CLCN7: variants seen among roughly 807,000 people sequenced by gnomAD.
CLCN7 encodes the protein H(+)/Cl(-) exchange transporter 7.
A neutral mutation model predicts 102.1 loss-of-function variants in CLCN7; 60 were observed. The observed-to-expected ratio is 0.59, with a 90% CI of 0.48 to 0.73. The LOEUF is 0.73. CLCN7 is among the 30% of genes least tolerant of loss of function. The probability of loss-of-function intolerance (pLI) is 0.00; values close to 1 mark genes in which losing one functional copy is unlikely to be tolerated. For synonymous variants in CLCN7, 560 were observed against 490.5 expected (o/e 1.14, Z -1.87); for missense variants, 962 against 1,125.7 (o/e 0.85, Z 2.08).
Position 1,455,737 on chromosome 16 carries a change from C to G in CLCN7, c.975G>C (p.Trp325Cys). 2 of 1,613,780 alleles carry G rather than the reference C, an allele frequency of 1.2e-6. No individual in the cohort carries two copies. Among genetic ancestry groups the G allele is most frequent in the Non-Finnish European group, 1.7e-6 (2 of 1,179,940 alleles). Residue 325 changes from tryptophan to cysteine, a missense_variant, in exon 11 of 25, where the codon TGG becomes TGC. This residue lies in a region of CLCN7 where 799 missense variants were observed against 988.0 expected (regional missense o/e 0.81). Coordinates refer to ENST00000382745, the MANE Select transcript of CLCN7 (RefSeq NM_001287.6). ...GCCATCAGCAGGAACTTACGATCCTCCAGGTCAGGAACTGGTTCCAGAAGG... is the reference window on the plus strand; with the variant it reads ...GCCATCAGCAGGAACTTACGATCCTGCAGGTCAGGAACTGGTTCCAGAAGG... ...GASFWNQFLT[W>C]RIFFASMIST...
At chr16:1,465,233 C>G (rs775417269) in intron 2 of CLCN7, 34 bp downstream of exon 2, 5 of 1,594,476 alleles carry the variant, frequency 3.1e-6, no homozygotes, top group Non-Finnish European at 2.6e-6. Flanking sequence ...ATGCAGCTAG[C>G]TCTGCGGGAG....
chr16:1,462,964 C>T (rs1055782022), intron 2 of CLCN7, among the ~76,000 whole-genome samples: 4 of 152,156 alleles, frequency 2.6e-5, no homozygotes, highest in Non-Finnish European at 4.4e-5. Flanking sequence ...AGTTTGTGAT[C>T]AGCCTGGGCA....
intron 11 of CLCN7, 133 bp downstream of exon 11, chr16:1,455,598 C>G (rs7190701): frequency 1.0e-6 from 1 of 966,302 alleles, no homozygotes; most frequent in East Asian, 2.5e-5. Flanking sequence ...TGGGCAGGAC[C>G]AAGGCCTGAC....
In CLCN7 at chr16:1,453,849, G is replaced by T; in HGVS notation, c.1199C>A (p.Thr400Asn). ...AVFNALNYWL[T>N]MFRIRYIHRP... ...TTCTCCTCACCTGATTCGAAACATG[G>T]TCAGCCAGTAGTTCAAGGCATTGAA... The change falls in exon 14 of 25, where the codon ACC becomes AAC. Residue 400 changes from threonine to asparagine, a missense_variant. Around this residue, in one of 2 missense-constraint regions of CLCN7, gnomAD observed 799 missense variants for 988.0 expected, o/e 0.81. Transcript: ENST00000382745. 2 of 1,613,412 alleles carry T rather than the reference G, an allele frequency of 1.2e-6. No individual in the cohort carries two copies. The highest frequency in any genetic ancestry group is 1.7e-6 in the Non-Finnish European group (2 of 1,180,040).
intron 2 of CLCN7, 112 bp downstream of exon 2, chr16:1,465,155 C>G (rs2038987460): frequency 1.1e-6 from 1 of 942,486 alleles, no homozygotes; most frequent in African/African-American, 1.6e-5. Flanking sequence ...TTCCCTGAAC[C>G]CCGGCCCTGG....
In CLCN7 at chr16:1,446,726, C is replaced by G. The variant is rs959540235; in HGVS notation, c.2332-9G>C. On this transcript the variant is annotated splice_polypyrimidine_tract_variant and intron_variant, in intron 24 of 24. Coordinates refer to ENST00000382745, the MANE Select transcript of CLCN7 (RefSeq NM_001287.6). ...GTCACCAACCCGACAACCTGCAGGACAAGTCCAGGCCACAGTGACACACGG... is the reference window on the plus strand; with the variant it reads ...GTCACCAACCCGACAACCTGCAGGAGAAGTCCAGGCCACAGTGACACACGG... 6.4e-7 allele frequency: 1 copy of G among 1,573,950 alleles called. No individual in the cohort carries two copies. Among genetic ancestry groups the G allele is most frequent in the Non-Finnish European group, 8.6e-7 (1 of 1,158,956 alleles).
intron 7 of CLCN7, among the ~76,000 whole-genome samples, chr16:1,458,427 C>A (rs570901851): frequency 6.6e-6 from 1 of 152,246 alleles, no homozygotes; most frequent in Non-Finnish European, 1.5e-5. Context: ...GGGTGACAGG[C>A]GGGTCGCCAT....
chr16:1,458,486 C>T (rs2038874870), intron 7 of CLCN7, among the ~76,000 whole-genome samples: 1 of 152,254 alleles, frequency 6.6e-6, no homozygotes, highest in Admixed American at 6.5e-5. Flanking sequence ...GCAGGGGCAC[C>T]CCAAGGTCAC....
intron 15 of CLCN7, chr16:1,452,010 A>G (rs2038759576): frequency 2.4e-6 from 1 of 411,084 alleles, no homozygotes; most frequent in South Asian, 2.1e-5. Flanking sequence ...GACGCTGTCC[A>G]TCCCTGGTGC....
At chr16:1,466,210 G>A (rs866836938) in intron 1 of CLCN7, among the ~76,000 whole-genome samples, 7 of 152,266 alleles carry the variant, frequency 4.6e-5, no homozygotes, top group South Asian at 2.1e-4. Flanking sequence ...GGAGTCCAGC[G>A]GCTGGTACCG....
At chr16:1,465,822 C>T (rs906176831) in intron 1 of CLCN7, among the ~76,000 whole-genome samples, 11 of 152,174 alleles carry the variant, frequency 7.2e-5, no homozygotes, top group East Asian at 5.8e-4. Flanking sequence ...CCCCACAGGA[C>T]GCCCAGCTGT....
Position 1,446,532 on chromosome 16 carries a change from TG to T in CLCN7, c.*98del, listed in dbSNP as rs2038646410. 1 of 1,144,222 alleles carries T rather than the reference TG, an allele frequency of 8.7e-7. No homozygotes were observed. Among genetic ancestry groups the T allele is most frequent in the Non-Finnish European group, 1.3e-6 (1 of 780,228 alleles). The allele number at this position is 1,144,222 out of a possible 1,614,324, so 70.9% of individuals were successfully genotyped here. A position where few individuals can be genotyped will look rare whatever the true frequency, so the allele number is the denominator to read the frequency against. On this transcript the variant is annotated 3_prime_UTR_variant, in exon 25 of 25. Coordinates refer to ENST00000382745, the MANE Select transcript of CLCN7 (RefSeq NM_001287.6). ...GCAGGGTGCTCGCCATTGCCACTGC[TG>T]GGGAGCATGGTTTGGGCCGAGAAAC...
intron 6 of CLCN7, 92 bp downstream of exon 6, chr16:1,460,326 G>T: frequency 1.1e-6 from 1 of 916,844 alleles, no homozygotes; most frequent in Non-Finnish European, 1.8e-6. Context: ...ATGTGATGGT[G>T]GGGGTGGGTG....
intron 15 of CLCN7, 143 bp downstream of exon 15, chr16:1,452,612 A>C: frequency 1.4e-5 from 12 of 860,760 alleles, no homozygotes; most frequent in Non-Finnish European, 2.0e-5. Context: ...GGACAGGACT[A>C]ACCCTCTTTG....
At position 1,448,916 on chromosome 16, in the gene CLCN7, C is replaced by G. The variant is rs144540326; in HGVS notation, c.1797+50G>C. 4.2e-4 allele frequency: 672 copies of G among 1,609,170 alleles called. 2 individuals are homozygous for G. In the African/African-American group the frequency reaches 8.2e-3, roughly 20 times the overall value. On this transcript the variant is annotated intron_variant, in intron 19 of 24. Coordinates refer to ENST00000382745, the MANE Select transcript of CLCN7 (RefSeq NM_001287.6). Reference sequence around the variant, plus strand: ...TTGGAGGCTCACAGGGGCCCCTCCCCTATGGCAGCACCCACGCTCTCAGGG... The same window carrying G: ...TTGGAGGCTCACAGGGGCCCCTCCCGTATGGCAGCACCCACGCTCTCAGGG...
At chr16:1,451,741 G>C in intron 15 of CLCN7, 25 bp from the exon 16 acceptor site, 1 of 1,590,542 alleles carries the variant, frequency 6.3e-7, no homozygotes, top group East Asian at 2.2e-5. Flanking sequence ...GAGAGCACAC[G>C]TTGGGAGGGG....
intron 12 of CLCN7, among the ~76,000 whole-genome samples, chr16:1,454,691 A>G (rs1178478526): frequency 6.6e-6 from 1 of 152,130 alleles, no homozygotes; most frequent in East Asian, 1.9e-4. Context: ...AGACCCTGCC[A>G]CCCTCAGCAC....
chr16:1,456,295 C>A (rs1483406178), intron 9 of CLCN7, 89 bp from the exon 10 acceptor site: 7 of 970,452 alleles, frequency 7.2e-6, no homozygotes, highest in Admixed American at 2.0e-5. Context: ...AGGGGCTGTG[C>A]AGGGGAAGGG....
Position 1,455,850 on chromosome 16 carries a change from C to T in CLCN7, c.917-55G>A, listed in dbSNP as rs984152571. ...AGCTGGACACAGGGCACCATGCCCACCACCAACTCCCTCCCCCAGGCTCCA... is the reference window on the plus strand; with the variant it reads ...AGCTGGACACAGGGCACCATGCCCATCACCAACTCCCTCCCCCAGGCTCCA... On this transcript the variant is annotated intron_variant, in intron 10 of 24. Coordinates refer to ENST00000382745, the MANE Select transcript of CLCN7 (RefSeq NM_001287.6). The T allele has an allele frequency of 1.9e-6, 3 of 1,570,058 alleles. No homozygotes were observed. The African/African-American group carries it at 4.0e-5, about 21-fold the overall frequency.
Sources: gnomAD v4.1 joint callset for allele counts (sites outside exome capture counted in the v4.1 genomes callset) on GRCh38, gnomAD v4.1.1 for gene constraint, gnomAD v4.1.1 regional missense constraint, MANE v1.5 for transcripts, NCBI Gene and HGNC (gene_info 2026-07-23, HGNC 2026-07-21) for gene names.